TP53INP2: variants seen among roughly 807,000 people sequenced by gnomAD.
TP53INP2 encodes tumor protein p53 inducible nuclear protein 2.
A neutral mutation model predicts 17.1 loss-of-function variants in TP53INP2; 12 were observed. The observed-to-expected ratio is 0.70, with a 90% CI of 0.45 to 1.14. The LOEUF is 1.14. Among genes scored for constraint, TP53INP2 ranks in the 50% most tolerant of loss-of-function variants. The pLI is 0.00. For missense variants in TP53INP2, 342 were observed against 330.9 expected, an observed-to-expected ratio of 1.03 and a Z score of -0.26; for synonymous variants, 145 against 147.3, an observed-to-expected ratio of 0.98 and a Z score of 0.12.
chr20:34,704,637 G>T (rs1280429301), intron 1 of TP53INP2, 125 bp downstream of exon 1: 3 of 152,240 alleles, frequency 2.0e-5, no homozygotes, highest in African/African-American at 7.2e-5. Flanking sequence ...CTCCCGATTG[G>T]TTGCCGCACG....
rs1157100727 is a variant in TP53INP2 at position 34,713,345 on chromosome 20, C to G, written c.*3038C>G. On this transcript the variant is annotated 3_prime_UTR_variant, in exon 5 of 5. Transcript: ENST00000374810. Reference sequence around the variant, plus strand: ...GTGGCATGCCTGTGTATGTGTGTAACAGAATTCTGATTGTTAGACTGTAAT... The same window carrying G: ...GTGGCATGCCTGTGTATGTGTGTAAGAGAATTCTGATTGTTAGACTGTAAT... The G allele has an allele frequency of 6.6e-6, 1 of 152,524 alleles. No individual in the cohort carries two copies. The highest frequency in any genetic ancestry group is 2.4e-5 in the African/African-American group (1 of 41,380). The allele number at this position is 152,524 out of a possible 1,614,324, so 9.4% of individuals were successfully genotyped here.
Position 34,709,828 on chromosome 20 carries a change from G to T in TP53INP2, c.414-230G>T, listed in dbSNP as rs902451154. Among the ~76,000 whole-genome samples, 13 of 152,248 alleles carry T rather than the reference G, an allele frequency of 8.5e-5. No homozygotes were observed. The highest frequency in any genetic ancestry group is 2.6e-4 in the Admixed American group (4 of 15,304). ...CTAGGGAGTGGGACTTAAACAGAAA[G>T]GCAAGGGTGGAATAGGGGGTGGGGG... On this transcript the variant is annotated intron_variant, in intron 4 of 4. Transcript: ENST00000374810. The surrounding 1 kb of genome is among the most constrained non-coding windows in gnomAD (Gnocchi z 5.4).
chr20:34,708,050 T>G (rs1988040208), intron 2 of TP53INP2, among the ~76,000 whole-genome samples: 1 of 152,176 alleles, frequency 6.6e-6, no homozygotes, highest in South Asian at 2.1e-4. Context: ...CGTGAGCCAC[T>G]GTGCCCGGCC....
intron 1 of TP53INP2, among the ~76,000 whole-genome samples, chr20:34,705,114 C>T (rs973558039): frequency 6.6e-6 from 1 of 152,218 alleles, no homozygotes; most frequent in Non-Finnish European, 1.5e-5. Context: ...GGGTCTTAGA[C>T]CCCAGTGCAT....
rs1186445729 is a variant in TP53INP2, at chr20:34,712,784, A to G, written c.*2477A>G. ...TGAGGCCCTAGAGGAGTTTGTATCAATTTGTGAGTATTAATGTCAGTACTA... is the reference window on the plus strand; with the variant it reads ...TGAGGCCCTAGAGGAGTTTGTATCAGTTTGTGAGTATTAATGTCAGTACTA... On this transcript the variant is annotated 3_prime_UTR_variant, in exon 5 of 5. Transcript: ENST00000374810. 6.6e-6 allele frequency: 1 copy of G among 152,568 alleles called. No homozygotes were observed. The highest frequency in any genetic ancestry group is 2.4e-5 in the African/African-American group (1 of 41,412). The allele number at this position is 152,568 out of a possible 1,614,324, so 9.5% of individuals were successfully genotyped here. A position where few individuals can be genotyped will look rare whatever the true frequency, so the allele number is the denominator to read the frequency against.
In TP53INP2 at chr20:34,712,115, C is replaced by A. The variant is rs762161961; in HGVS notation, c.*1808C>A. The A allele has an allele frequency of 1.3e-5, 2 of 152,694 alleles. No individual in the cohort carries two copies. Among genetic ancestry groups the A allele is most frequent in the Non-Finnish European group, 2.9e-5 (2 of 68,094 alleles). The allele number at this position is 152,694 out of a possible 1,614,324, so 9.5% of individuals were successfully genotyped here. On this transcript the variant is annotated 3_prime_UTR_variant, in exon 5 of 5. Transcript: ENST00000374810. ...AGCCAAATTAACACTAAAAACGGAT[C>A]AAAGCTCCCACGCCAGTCCACTAGG...
At chr20:34,708,423 C>T (rs1988049578) in intron 2 of TP53INP2, among the ~76,000 whole-genome samples, 1 of 151,700 alleles carries the variant, frequency 6.6e-6, no homozygotes. Context: ...TATAAGAGCC[C>T]GGAGGAAGGT....
Position 34,709,010 on chromosome 20 carries a change from G to T in TP53INP2, c.124+147G>T. 1.4e-6 allele frequency: 2 copies of T among 1,412,380 alleles called. No homozygotes were observed. The highest frequency in any genetic ancestry group is 1.9e-6 in the Non-Finnish European group (2 of 1,069,594). 87.5% of individuals were successfully genotyped at this position (1,412,380 alleles called of 1,614,324 possible). On this transcript the variant is annotated intron_variant, in intron 3 of 4. Coordinates refer to ENST00000374810, the MANE Select transcript of TP53INP2 (RefSeq NM_021202.3). The surrounding 1 kb of genome is among the most constrained non-coding windows in gnomAD (Gnocchi z 5.4). Reference sequence around the variant, plus strand: ...CACGGGGCCCCTTCCCATGAAAGCCGGGGCTCTCTCCTGGCGGCCCAGGAG... The same window carrying T: ...CACGGGGCCCCTTCCCATGAAAGCCTGGGCTCTCTCCTGGCGGCCCAGGAG...
chr20:34,708,635 C>A, intron 2 of TP53INP2, 56 bp from the exon 3 acceptor site: 1 of 1,087,036 alleles, frequency 9.2e-7, no homozygotes, highest in Non-Finnish European at 1.3e-6. Flanking sequence ...CTTCCCCAGG[C>A]CAGGAGTGGG....
Position 34,710,026 on chromosome 20 carries a change from C to T in TP53INP2, c.414-32C>T, listed in dbSNP as rs757036394. ...CTCTAGACCCCCCGCCCAGCTTACC[C>T]GGCTTGACCGAGCCTGGCTCTGTCC... On this transcript the variant is annotated intron_variant, in intron 4 of 4. Transcript: ENST00000374810. This position sits in a 1 kb window ranked among gnomAD's most constrained non-coding sequence, Gnocchi z 4.9. The T allele has an allele frequency of 7.8e-7, 1 of 1,282,920 alleles. No homozygotes were observed. Among genetic ancestry groups the T allele is most frequent in the Non-Finnish European group, 9.9e-7 (1 of 1,012,572 alleles). 79.5% of individuals were successfully genotyped at this position (1,282,920 alleles called of 1,614,324 possible).
Position 34,709,466 on chromosome 20 carries a change from C to A in TP53INP2, c.355C>A (p.Pro119Thr), listed in dbSNP as rs767896407. 1 of 1,613,440 alleles carries A rather than the reference C, an allele frequency of 6.2e-7. No individual in the cohort carries two copies. The highest frequency in any genetic ancestry group is 1.7e-5 in the Admixed American group (1 of 60,024). ...CACCGGCAGCACCATAGTGCTAGAG[C>A]CCGGGTCCCCTTCCCCGCTCCCGGA... The part of the protein sequence containing the change: ...YVTGSTIVLE[P>T]GSPSPLPDAA... The change falls in exon 4 of 5, where the codon CCC becomes ACC. Residue 119 changes from proline (P) to threonine (T), a missense_variant. By Grantham distance (38) the Pro-to-Thr change is conservative (BLOSUM62 -1). Transcript: ENST00000374810. The surrounding 1 kb of genome is among the most constrained non-coding windows in gnomAD (Gnocchi z 5.4).
Position 34,709,289 on chromosome 20 carries a change from C to T in TP53INP2, c.178C>T (p.Pro60Ser), listed in dbSNP as rs1304341591. The change falls in exon 4 of 5, where the codon CCT (proline) becomes TCT (serine). Residue 60 changes from proline (P) to serine (S), a missense_variant. Pro to Ser is a moderately conservative substitution (Grantham distance 74). Coordinates refer to ENST00000374810, the MANE Select transcript of TP53INP2 (RefSeq NM_021202.3). The surrounding 1 kb of genome is among the most constrained non-coding windows in gnomAD (Gnocchi z 5.4). ...PGAAPAPAGR[P>S]PPAPSLMDES... is the part of the protein sequence containing the mutation. ...GGCCGCCCCTGCCCCCGCGGGCCGCCCTCCGCCCGCGCCCTCCTTGATGGA... is the reference window on the plus strand; with the variant it reads ...GGCCGCCCCTGCCCCCGCGGGCCGCTCTCCGCCCGCGCCCTCCTTGATGGA... 1.9e-6 allele frequency: 3 copies of T among 1,608,590 alleles called. No individual in the cohort carries two copies. Among genetic ancestry groups the T allele is most frequent in the East Asian group, 4.5e-5 (2 of 44,648 alleles).
Position 34,709,582 on chromosome 20 carries a change from G to C in TP53INP2, c.413+58G>C, listed in dbSNP as rs1423167337. On this transcript the variant is annotated intron_variant, in intron 4 of 4. Coordinates refer to ENST00000374810, the MANE Select transcript of TP53INP2 (RefSeq NM_021202.3). The surrounding 1 kb of genome is among the most constrained non-coding windows in gnomAD (Gnocchi z 5.4). ...AGGGAGACGGATCTTGGAGGCCAGG[G>C]TCCAGGCTAGGAGGCTGGGGTAGTG... The C allele has an allele frequency of 6.5e-7, 1 of 1,537,320 alleles. No individual in the cohort carries two copies. The highest frequency in any genetic ancestry group is 8.7e-7 in the Non-Finnish European group (1 of 1,149,492).
rs1462732208 is a variant in TP53INP2, at chr20:34,709,577, C to T, written c.413+53C>T. On this transcript the variant is annotated intron_variant, in intron 4 of 4. Coordinates refer to ENST00000374810, the MANE Select transcript of TP53INP2 (RefSeq NM_021202.3). The surrounding 1 kb of genome is among the most constrained non-coding windows in gnomAD (Gnocchi z 5.4). ...GGCCCAGGGAGACGGATCTTGGAGG[C>T]CAGGGTCCAGGCTAGGAGGCTGGGG... The T allele has an allele frequency of 3.7e-5, 57 of 1,546,152 alleles. No homozygotes were observed. The highest frequency in any genetic ancestry group is 4.7e-5 in the Non-Finnish European group (54 of 1,153,762).
Position 34,709,721 on chromosome 20 carries a change from G to A in TP53INP2, c.413+197G>A, listed in dbSNP as rs1432195257. 6.6e-6 allele frequency among the ~76,000 whole-genome samples: 1 copy of A among 152,150 alleles called. No homozygotes were observed. Among genetic ancestry groups the A allele is most frequent in the Non-Finnish European group, 1.5e-5 (1 of 68,014 alleles). On this transcript the variant is annotated intron_variant, in intron 4 of 4. Coordinates refer to ENST00000374810, the MANE Select transcript of TP53INP2 (RefSeq NM_021202.3). This position sits in a 1 kb window ranked among gnomAD's most constrained non-coding sequence, Gnocchi z 5.4. ...CGAGGCTAGAAGCGGGCCTGAGGAC[G>A]GAGGGGCGGGGCTTGAGAGGGAGGG...
Position 34,713,031 on chromosome 20 carries a change from C to A in TP53INP2, c.*2724C>A. ...TCCCCAGCCCCCTGCCTGGAACCCTCTGAGCAACTTGCTCTGACCTATAAT... is the reference window on the plus strand; with the variant it reads ...TCCCCAGCCCCCTGCCTGGAACCCTATGAGCAACTTGCTCTGACCTATAAT... On this transcript the variant is annotated 3_prime_UTR_variant, in exon 5 of 5. Transcript: ENST00000374810. 1 of 152,976 alleles carries A rather than the reference C, an allele frequency of 6.5e-6. No individual in the cohort carries two copies. 9.5% of individuals were successfully genotyped at this position (152,976 alleles called of 1,614,324 possible). A position where few individuals can be genotyped will look rare whatever the true frequency, so the allele number is the denominator to read the frequency against.
In TP53INP2 at chr20:34,709,475, C is replaced by A; in HGVS notation, c.364C>A (p.Pro122Thr). The A allele has an allele frequency of 6.2e-7, 1 of 1,613,122 alleles. No homozygotes were observed. Among genetic ancestry groups the A allele is most frequent in the Non-Finnish European group, 8.5e-7 (1 of 1,179,864 alleles). The change falls in exon 4 of 5, where the codon CCT becomes ACT. Residue 122 changes from proline (P) to threonine (T), a missense_variant. Transcript: ENST00000374810. The surrounding 1 kb of genome is among the most constrained non-coding windows in gnomAD (Gnocchi z 5.4). ...GSTIVLEPGS[P>T]SPLPDAALPD... ...CACCATAGTGCTAGAGCCCGGGTCCCCTTCCCCGCTCCCGGACGCGGCCCT... is the reference window on the plus strand; with the variant it reads ...CACCATAGTGCTAGAGCCCGGGTCCACTTCCCCGCTCCCGGACGCGGCCCT...
chr20:34,710,355 C>T lies in TP53INP2; in HGVS notation c.*48C>T, dbSNP rs1600696181. On this transcript the variant is annotated 3_prime_UTR_variant, in exon 5 of 5. Transcript: ENST00000374810. The surrounding 1 kb of genome is among the most constrained non-coding windows in gnomAD (Gnocchi z 4.9). ...ACCCCTTGCCGATCCCGATCCCTGTCGGGCTCCTCCGACTCCTCGGGCTGG... is the reference window on the plus strand; with the variant it reads ...ACCCCTTGCCGATCCCGATCCCTGTTGGGCTCCTCCGACTCCTCGGGCTGG... 3.1e-6 allele frequency: 4 copies of T among 1,283,748 alleles called. No individual in the cohort carries two copies. Among genetic ancestry groups the T allele is most frequent in the Admixed American group, 3.7e-5 (1 of 27,086 alleles). 79.5% of individuals were successfully genotyped at this position (1,283,748 alleles called of 1,614,324 possible). A position where few individuals can be genotyped will look rare whatever the true frequency, so the allele number is the denominator to read the frequency against.
Position 34,708,850 on chromosome 20 carries a change from C to T in TP53INP2, c.111C>T (p.Ile37=), listed in dbSNP as rs141590455. The T allele has an allele frequency of 1.2e-6, 2 of 1,613,526 alleles. No individual in the cohort carries two copies. Among genetic ancestry groups the T allele is most frequent in the East Asian group, 4.5e-5 (2 of 44,844 alleles). ...AGGATGAAGTGGACGGCTGGCTCAT[C>T]ATTGACCTGCCGGGTGAGGCCTGGG... ...SEEDEVDGWL[I]IDLPDSYAAP... is the part of the protein sequence containing the mutation. Residue 37 remains isoleucine, a synonymous_variant, in exon 3 of 5, where the codon ATC becomes ATT. Transcript: ENST00000374810.
Sources: gnomAD v4.1 joint callset for allele counts (sites outside exome capture counted in the v4.1 genomes callset) on GRCh38, gnomAD v4.1.1 for gene constraint, Gnocchi (gnomAD v3.1) non-coding constraint, MANE v1.5 for transcripts, NCBI Gene and HGNC (gene_info 2026-07-23, HGNC 2026-07-21) for gene names.